OR5AS1: variants seen among roughly 807,000 people sequenced by gnomAD.
OR5AS1 encodes the protein olfactory receptor 5AS1.
For missense variants in OR5AS1, 492 were observed against 378.2 expected (o/e 1.30, Z -2.50); for synonymous variants, 196 against 141.7 (o/e 1.38, Z -2.72).
At chr11:56,028,198 A>C (rs1226967136) in intron 1 of OR5AS1, among the ~76,000 whole-genome samples, 1 of 151,912 alleles carries the variant, frequency 6.6e-6, no homozygotes, top group Admixed American at 6.6e-5. Flanking sequence ...TAATAATTAT[A>C]ATATATAATA....
In OR5AS1 at chr11:56,030,518, G is replaced by T; in HGVS notation, c.100G>T (p.Val34Leu). 2 of 1,552,406 alleles carry T rather than the reference G, an allele frequency of 1.3e-6. No individual in the cohort carries two copies. Among genetic ancestry groups the T allele is most frequent in the Non-Finnish European group, 1.7e-6 (2 of 1,146,840 alleles). The change falls in exon 2 of 2, where the codon GTA (valine) becomes TTA (leucine). Residue 34 changes from valine to leucine, a missense_variant. Physicochemically the swap from Val to Leu is conservative, Grantham distance 32. Transcript: ENST00000641320. ...RVTLFLVFLL[V>L]YTLTMVGNIL... The stretch of plus-strand genomic sequence containing the variant: ...CACACTGTTCTTGGTATTCCTTCTG[G>T]TATATACATTAACTATGGTCGGAAA...
chr11:56,031,516 C>A lies in OR5AS1; in HGVS notation c.*123C>A. On this transcript the variant is annotated 3_prime_UTR_variant, in exon 2 of 2. Coordinates refer to ENST00000641320, the MANE Select transcript of OR5AS1 (RefSeq NM_001001921.2). ...TTATACTCAGTGCATTAAAATGCTT[C>A]ATCCTCTCTTCCAAAAATGTTCTCT... 1.4e-6 allele frequency: 1 copy of A among 695,896 alleles called. No homozygotes were observed. The highest frequency in any genetic ancestry group is 2.4e-6 in the Non-Finnish European group (1 of 424,878). 43.1% of individuals were successfully genotyped at this position (695,896 alleles called of 1,614,324 possible).
At chr11:56,029,343 C>T (rs1205984637) in intron 1 of OR5AS1, among the ~76,000 whole-genome samples, 2 of 151,926 alleles carry the variant, frequency 1.3e-5, no homozygotes, top group Non-Finnish European at 2.9e-5. Context: ...AATGTTTGTC[C>T]TTACAGAACC....
rs186489522 is a variant in OR5AS1, at chr11:56,029,826, A to G, written c.-28-565A>G. On this transcript the variant is annotated intron_variant, in intron 1 of 1. Coordinates refer to ENST00000641320, the MANE Select transcript of OR5AS1 (RefSeq NM_001001921.2). Reference sequence around the variant, plus strand: ...TCACAGAAAGTCAAATAACTATACCAAAGTCACACAAACAGTAAATAGCAA... The same window carrying G: ...TCACAGAAAGTCAAATAACTATACCGAAGTCACACAAACAGTAAATAGCAA... Among the ~76,000 whole-genome samples the G allele has an allele frequency of 3.6e-4, 55 of 152,222 alleles. 1 individual carries two copies. The highest frequency in any genetic ancestry group is 3.4e-3 in the Admixed American group (52 of 15,278).
At chr11:56,028,079 C>T (rs1356582228) in intron 1 of OR5AS1, among the ~76,000 whole-genome samples, 1 of 151,954 alleles carries the variant, frequency 6.6e-6, no homozygotes, top group Non-Finnish European at 1.5e-5. Flanking sequence ...ACATATTCAC[C>T]TGCAGTGTGG....
In OR5AS1 at chr11:56,030,761, C is replaced by A. The variant is rs17528782; in HGVS notation, c.343C>A (p.Leu115Met). ...ASFADAECLI[L>M]AAMAYDRYAA... The stretch of plus-strand genomic sequence containing the variant: ...TTTTGCTGATGCTGAGTGCCTTATC[C>A]TGGCAGCAATGGCTTATGACCGCTA... Residue 115 changes from leucine to methionine, a missense_variant, in exon 2 of 2, where the codon CTG (leucine) becomes ATG (methionine). Transcript: ENST00000641320. 1 of 1,613,498 alleles carries A rather than the reference C, an allele frequency of 6.2e-7. No individual in the cohort carries two copies. The highest frequency in any genetic ancestry group is 8.5e-7 in the Non-Finnish European group (1 of 1,179,584).
chr11:56,035,236 C>A lies in OR5AS1; in HGVS notation c.*3843C>A, dbSNP rs1853392339. On this transcript the variant is annotated 3_prime_UTR_variant, in exon 2 of 2. Coordinates refer to ENST00000641320, the MANE Select transcript of OR5AS1 (RefSeq NM_001001921.2). The stretch of plus-strand genomic sequence containing the variant: ...AATGGGCAAAATAACCAGCTAGCAT[C>A]ATAATGACAGGATCAAATTCACACA... 1 of 152,134 alleles carries A rather than the reference C, an allele frequency of 6.6e-6. No homozygotes were observed. Among genetic ancestry groups the A allele is most frequent in the Non-Finnish European group, 1.5e-5 (1 of 68,034 alleles). The allele number at this position is 152,134 out of a possible 1,614,324, so 9.4% of individuals were successfully genotyped here. A position where few individuals can be genotyped will look rare whatever the true frequency, so the allele number is the denominator to read the frequency against.
chr11:56,030,519 T>A lies in OR5AS1; in HGVS notation c.101T>A (p.Val34Glu), dbSNP rs767558168. The change falls in exon 2 of 2, where the codon GTA becomes GAA. Residue 34 changes from valine (V) to glutamate (E), a missense_variant. Val to Glu is a moderately radical substitution (Grantham distance 121). Transcript: ENST00000641320. ...ACACTGTTCTTGGTATTCCTTCTGG[T>A]ATATACATTAACTATGGTCGGAAAT... ...RVTLFLVFLL[V>E]YTLTMVGNIL... 6.4e-7 allele frequency: 1 copy of A among 1,551,724 alleles called. No individual in the cohort carries two copies. Among genetic ancestry groups the A allele is most frequent in the African/African-American group, 1.4e-5 (1 of 72,322 alleles).
At position 56,030,837 on chromosome 11, in the gene OR5AS1, T is replaced by G; in HGVS notation, c.419T>G (p.Val140Gly). The stretch of plus-strand genomic sequence containing the variant: ...TATACTACACTGATGTCTAGGAGAG[T>G]CTGTGTCTGCTTCATTGTGTTGGCA... Reference protein sequence around the residue: ...LLYTTLMSRRVCVCFIVLAYF... With the variant: ...LLYTTLMSRRGCVCFIVLAYF... Residue 140 changes from valine to glycine, a missense_variant, in exon 2 of 2, where the codon GTC becomes GGC. Val to Gly is a moderately radical substitution (Grantham distance 109). Coordinates refer to ENST00000641320, the MANE Select transcript of OR5AS1 (RefSeq NM_001001921.2). 3 of 1,613,926 alleles carry G rather than the reference T, an allele frequency of 1.9e-6. No homozygotes were observed. The highest frequency in any genetic ancestry group is 1.6e-4 in the Middle Eastern group (1 of 6,062).
At chr11:56,029,441 T>A (rs1275601131) in intron 1 of OR5AS1, among the ~76,000 whole-genome samples, 1 of 151,838 alleles carries the variant, frequency 6.6e-6, no homozygotes, top group Non-Finnish European at 1.5e-5. Flanking sequence ...CTTCAGAGAT[T>A]AGAAAGTAAA....
chr11:56,035,621 G>A lies in OR5AS1; in HGVS notation c.*4228G>A, dbSNP rs186515991. 1.3e-5 allele frequency: 2 copies of A among 152,154 alleles called. No homozygotes were observed. The highest frequency in any genetic ancestry group is 2.9e-5 in the Non-Finnish European group (2 of 68,008). 9.4% of individuals were successfully genotyped at this position (152,154 alleles called of 1,614,324 possible). On this transcript the variant is annotated 3_prime_UTR_variant, in exon 2 of 2. Coordinates refer to ENST00000641320, the MANE Select transcript of OR5AS1 (RefSeq NM_001001921.2). ...AAATATATATGTACCCAATACAAGA[G>A]CACCCAAATTCATAAAGCCAGTTCT...
At position 56,033,074 on chromosome 11, in the gene OR5AS1, AG is replaced by A. The variant is rs199503510; in HGVS notation, c.*1683del. On this transcript the variant is annotated 3_prime_UTR_variant, in exon 2 of 2. Transcript: ENST00000641320. ...GGAAGCCATGAAGGACTGTGCCATG[AG>A]GAACGGGTGCACTCTGGCCCAGATA... The A allele has an allele frequency of 0.013, 1,943 of 152,476 alleles. 29 individuals carry two copies. The highest frequency in any genetic ancestry group is 0.018 in the Non-Finnish European group (1,254 of 68,238). The allele number at this position is 152,476 out of a possible 1,614,324, so 9.4% of individuals were successfully genotyped here.
chr11:56,028,447 G>T (rs1339581710), intron 1 of OR5AS1, among the ~76,000 whole-genome samples: 1 of 152,082 alleles, frequency 6.6e-6, no homozygotes, highest in Non-Finnish European at 1.5e-5. Context: ...AGAAAAGATT[G>T]AGTGAAATCA....
In OR5AS1 at chr11:56,030,522, A is replaced by T; in HGVS notation, c.104A>T (p.Tyr35Phe). ...VTLFLVFLLV[Y>F]TLTMVGNILL... ...CTGTTCTTGGTATTCCTTCTGGTAT[A>T]TACATTAACTATGGTCGGAAATATA... The change falls in exon 2 of 2, where the codon TAT becomes TTT. Residue 35 changes from tyrosine (Y) to phenylalanine (F), a missense_variant. Transcript: ENST00000641320. 1.9e-6 allele frequency: 3 copies of T among 1,553,136 alleles called. No individual in the cohort carries two copies. Among genetic ancestry groups the T allele is most frequent in the Non-Finnish European group, 2.6e-6 (3 of 1,146,648 alleles).
At chr11:56,028,022 A>G (rs1796055662) in intron 1 of OR5AS1, among the ~76,000 whole-genome samples, 1 of 152,060 alleles carries the variant, frequency 6.6e-6, no homozygotes, top group Non-Finnish European at 1.5e-5. Flanking sequence ...TGGTGTAATA[A>G]TTTTCTGTAG....
In OR5AS1 at chr11:56,031,314, A is replaced by G. The variant is rs1294954829; in HGVS notation, c.896A>G (p.Asn299Ser). ...AGTTTCAGAAACAAGGATGTGAAAA[A>G]TGCTCTCAAAAAGCTATTAGAAAGA... Reference protein sequence around the residue: ...IYSFRNKDVKNALKKLLERIG... With the variant: ...IYSFRNKDVKSALKKLLERIG... Residue 299 changes from asparagine (N) to serine (S), a missense_variant, in exon 2 of 2, where the codon AAT becomes AGT. Coordinates refer to ENST00000641320, the MANE Select transcript of OR5AS1 (RefSeq NM_001001921.2). 1.9e-6 allele frequency: 3 copies of G among 1,603,538 alleles called. No homozygotes were observed. The highest frequency in any genetic ancestry group is 4.5e-5 in the East Asian group (2 of 44,848).
In OR5AS1 at chr11:56,036,272, A is replaced by T. The variant is rs893098268; in HGVS notation, c.*4879A>T. On this transcript the variant is annotated 3_prime_UTR_variant, in exon 2 of 2. Coordinates refer to ENST00000641320, the MANE Select transcript of OR5AS1 (RefSeq NM_001001921.2). ...TCAAAAGCCTCAGAAGACAAGAAAT[A>T]ACTAAGATCAGAGCAGAACTGAAGG... 1.3e-5 allele frequency: 2 copies of T among 152,112 alleles called. No individual in the cohort carries two copies. Among genetic ancestry groups the T allele is most frequent in the Non-Finnish European group, 2.9e-5 (2 of 68,032 alleles). The allele number at this position is 152,112 out of a possible 1,614,324, so 9.4% of individuals were successfully genotyped here. A position where few individuals can be genotyped will look rare whatever the true frequency, so the allele number is the denominator to read the frequency against.
Position 56,035,368 on chromosome 11 carries a change from C to T in OR5AS1, c.*3975C>T, listed in dbSNP as rs1378526141. 5 of 151,820 alleles carry T rather than the reference C, an allele frequency of 3.3e-5. No individual in the cohort carries two copies. The highest frequency in any genetic ancestry group is 7.4e-5 in the Non-Finnish European group (5 of 68,006). The allele number at this position is 151,820 out of a possible 1,614,324, so 9.4% of individuals were successfully genotyped here. On this transcript the variant is annotated 3_prime_UTR_variant, in exon 2 of 2. Transcript: ENST00000641320. Reference sequence around the variant, plus strand: ...CGATTGGTGTGCTGTATTCAGGAGACCGATCTCATGTGCAAAGCATACATA... The same window carrying T: ...CGATTGGTGTGCTGTATTCAGGAGATCGATCTCATGTGCAAAGCATACATA...
chr11:56,028,278 C>T (rs761210889), intron 1 of OR5AS1, among the ~76,000 whole-genome samples: 3 of 151,894 alleles, frequency 2.0e-5, no homozygotes. Flanking sequence ...TGATTTCAGT[C>T]TTATAATATA....
Sources: gnomAD v4.1 joint callset for allele counts (sites outside exome capture counted in the v4.1 genomes callset) on GRCh38, gnomAD v4.1.1 for gene constraint, MANE v1.5 for transcripts, NCBI Gene and HGNC (gene_info 2026-07-23, HGNC 2026-07-21) for gene names.